The following SLC24A3 variants were observed in gnomAD, a reference collection of about 807,000 sequenced individuals.
SLC24A3 encodes the protein solute carrier family 24 member 3, also known as sodium/potassium/calcium exchanger 3.
Under a neutral mutation model 75.8 loss-of-function variants are expected in SLC24A3, and 28 were observed. The ratio of observed to expected loss-of-function variants is 0.37; its 90% CI spans 0.27 to 0.51. The LOEUF (loss-of-function observed/expected upper bound fraction) is 0.51. Among genes scored for constraint, SLC24A3 ranks in the 20% least tolerant of loss-of-function variants. The probability of loss-of-function intolerance (pLI) is 0.94; values close to 1 mark genes in which losing one functional copy is unlikely to be tolerated. For synonymous variants in SLC24A3, 372 were observed against 334.1 expected (o/e 1.11, Z -1.24); for missense variants, 663 against 847.8 (o/e 0.78, Z 2.71).
intron 6 of SLC24A3, among the ~76,000 whole-genome samples, chr20:19,602,277 T>C (rs2031537066): frequency 6.6e-6 from 1 of 152,200 alleles, no homozygotes; most frequent in South Asian, 2.1e-4. Flanking sequence ...TATTTAATCT[T>C]TTCTAGAGTC....
chr20:19,267,808 G>A (rs553870905), intron 1 of SLC24A3, among the ~76,000 whole-genome samples: 1 of 152,296 alleles, frequency 6.6e-6, no homozygotes. Context: ...GGGATGTGGA[G>A]CGAGGGCAGA....
Position 19,717,595 on chromosome 20 carries a change from T to C in SLC24A3, c.1785+2T>C. 1.9e-6 allele frequency: 3 copies of C among 1,614,032 alleles called. No homozygotes were observed. The highest frequency in any genetic ancestry group is 2.5e-6 in the Non-Finnish European group (3 of 1,179,942). On this transcript the variant is annotated splice_donor_variant, in intron 16 of 16. Coordinates refer to ENST00000328041, the MANE Select transcript of SLC24A3 (RefSeq NM_020689.4). LOFTEE classifies it high-confidence loss of function. The stretch of plus-strand genomic sequence containing the variant: ...CTCCTGGCCTCTGTTTTTGTCACGG[T>C]AGGTTGGCAGCTCTCTCCTCGTACT...
intron 1 of SLC24A3, among the ~76,000 whole-genome samples, chr20:19,222,311 T>C (rs1373932589): frequency 6.6e-6 from 1 of 152,218 alleles, no homozygotes; most frequent in Non-Finnish European, 1.5e-5. Context: ...TTTCATATTA[T>C]ACATGCTTTC....
At chr20:19,386,092 T>C (rs1261968547) in intron 2 of SLC24A3, among the ~76,000 whole-genome samples, 1 of 152,258 alleles carries the variant, frequency 6.6e-6, no homozygotes, top group African/African-American at 2.4e-5. Flanking sequence ...TTTTCATTTT[T>C]TTCAGCAGTG....
At chr20:19,257,975 G>A (rs148876853) in intron 1 of SLC24A3, among the ~76,000 whole-genome samples, 11 of 152,302 alleles carry the variant, frequency 7.2e-5, no homozygotes, top group East Asian at 1.9e-4. Context: ...ACAGGCACAC[G>A]CATCACTGTG....
intron 1 of SLC24A3, among the ~76,000 whole-genome samples, chr20:19,220,248 A>C (rs1428404135): frequency 6.6e-6 from 1 of 152,158 alleles, no homozygotes; most frequent in Non-Finnish European, 1.5e-5. Context: ...TTTTTAGGAG[A>C]GAGTGAACAA....
chr20:19,241,995 T>C (rs1982343263), intron 1 of SLC24A3, among the ~76,000 whole-genome samples: 1 of 152,218 alleles, frequency 6.6e-6, no homozygotes, highest in Non-Finnish European at 1.5e-5. Context: ...GACCCAGTTA[T>C]ACCTTCAAGG....
At chr20:19,256,827 T>C (rs1229743051) in intron 1 of SLC24A3, among the ~76,000 whole-genome samples, 1 of 151,886 alleles carries the variant, frequency 6.6e-6, no homozygotes, top group Non-Finnish European at 1.5e-5. Flanking sequence ...TTGATAAAGC[T>C]GATAAAATAG....
intron 4 of SLC24A3, among the ~76,000 whole-genome samples, chr20:19,580,933 G>A (rs918574711): frequency 1.3e-5 from 2 of 152,190 alleles, no homozygotes; most frequent in Non-Finnish European, 2.9e-5. Context: ...GGTCTTGGGA[G>A]AGTGGGAGGG....
At chr20:19,696,711 C>T (rs1244879067) in intron 13 of SLC24A3, 86 bp from the exon 14 acceptor site, 4 of 863,028 alleles carry the variant, frequency 4.6e-6, no homozygotes, top group Non-Finnish European at 1.9e-6. Context: ...CAGACCATAG[C>T]CTGTTGTGAG....
chr20:19,333,651 G>A (rs1985054606), intron 2 of SLC24A3, among the ~76,000 whole-genome samples: 1 of 150,954 alleles, frequency 6.6e-6, no homozygotes, highest in South Asian at 2.1e-4. Flanking sequence ...GAGTGTGTGT[G>A]TGTGTGAGAG....
chr20:19,428,705 A>G (rs1987053649), intron 2 of SLC24A3, among the ~76,000 whole-genome samples: 1 of 152,128 alleles, frequency 6.6e-6, no homozygotes, highest in African/African-American at 2.4e-5. Context: ...CCGAGTTCTT[A>G]CCCACTCCAG....
intron 2 of SLC24A3, among the ~76,000 whole-genome samples, chr20:19,384,504 ATTTCCTTCTTT>A (rs1986238133): frequency 6.6e-6 from 1 of 152,184 alleles, no homozygotes; most frequent in Non-Finnish European, 1.5e-5. Context: ...CAAACAAAGA[ATTTCCTTCTTT>A]TTTAAGGCTG....
intron 2 of SLC24A3, among the ~76,000 whole-genome samples, chr20:19,298,972 T>C (rs73284630): frequency 6.6e-6 from 1 of 152,052 alleles, no homozygotes; most frequent in African/African-American, 2.4e-5. Context: ...GGAAAAGCAG[T>C]CCCCATGGCC....
chr20:19,630,278 A>T (rs1382672580), intron 6 of SLC24A3, among the ~76,000 whole-genome samples: 1 of 152,238 alleles, frequency 6.6e-6, no homozygotes, highest in Non-Finnish European at 1.5e-5. Flanking sequence ...AACTTTGAAG[A>T]TATCTGTTTA....
chr20:19,539,437 C>T (rs1333018626), intron 3 of SLC24A3, among the ~76,000 whole-genome samples: 2 of 152,150 alleles, frequency 1.3e-5, no homozygotes, highest in Admixed American at 6.5e-5. Flanking sequence ...TGTGTGGGGT[C>T]GTGAGCTTAG....
At chr20:19,512,731 C>T (rs1444155605) in intron 2 of SLC24A3, among the ~76,000 whole-genome samples, 2 of 152,182 alleles carry the variant, frequency 1.3e-5, no homozygotes, top group African/African-American at 4.8e-5. Context: ...CCAGTGCAGA[C>T]GTGGATGATG....
At chr20:19,231,287 T>C (rs1982014748) in intron 1 of SLC24A3, among the ~76,000 whole-genome samples, 1 of 152,198 alleles carries the variant, frequency 6.6e-6, no homozygotes, top group Non-Finnish European at 1.5e-5. Context: ...CTCCCGAAGA[T>C]GTTTACGTCC....
chr20:19,540,174 G>A (rs2122586232), intron 3 of SLC24A3, among the ~76,000 whole-genome samples: 1 of 152,244 alleles, frequency 6.6e-6, no homozygotes, highest in South Asian at 2.1e-4. Context: ...ATACCAAGGT[G>A]CCACACTTCG....
Sources: gnomAD v4.1 joint callset for allele counts (sites outside exome capture counted in the v4.1 genomes callset) on GRCh38, gnomAD v4.1.1 for gene constraint, MANE v1.5 for transcripts, NCBI Gene and HGNC (gene_info 2026-07-23, HGNC 2026-07-21) for gene names.